The following CAPN14 variants were observed in gnomAD, a reference collection of about 807,000 sequenced individuals.
CAPN14 encodes the protein calpain 14.
In CAPN14, 94 loss-of-function variants were observed where a neutral mutation model predicts 101.3. The ratio of observed to expected loss-of-function variants is 0.93; its 90% CI spans 0.79 to 1.10. CAPN14 has a LOEUF of 1.10. Ranked by LOEUF, CAPN14 falls within the 50% of genes least tolerant of loss-of-function variation. CAPN14 has a pLI of 0.00. For synonymous variants in CAPN14, 338 were observed against 317.9 expected, an observed-to-expected ratio of 1.06 and a Z score of -0.67; for missense variants, 837 against 828.4, an observed-to-expected ratio of 1.01 and a Z score of -0.13.
At chr2:31,216,928 A>C (rs1270053137) in intron 1 of CAPN14, among the ~76,000 whole-genome samples, 3 of 152,152 alleles carry the variant, frequency 2.0e-5, no homozygotes, top group African/African-American at 7.2e-5. Context: ...TGTGTTTTTC[A>C]CATCTAATTT....
At chr2:31,217,215 TGAG>T (rs937489693) in intron 1 of CAPN14, among the ~76,000 whole-genome samples, 2 of 152,160 alleles carry the variant, frequency 1.3e-5, no homozygotes, top group Non-Finnish European at 2.9e-5. Flanking sequence ...TTTTTTTAAA[TGAG>T]GAGATTGGGG....
intron 12 of CAPN14, 65 bp downstream of exon 12, chr2:31,191,334 G>A: frequency 6.8e-7 from 1 of 1,474,422 alleles, no homozygotes; most frequent in Non-Finnish European, 9.2e-7. Context: ...ACTAAATCCT[G>A]TGGAGGCTTG....
intron 2 of CAPN14, among the ~76,000 whole-genome samples, 161 bp from the exon 3 acceptor site, chr2:31,203,300 T>C (rs1419457652): frequency 6.6e-6 from 1 of 152,200 alleles, no homozygotes; most frequent in African/African-American, 2.4e-5. Context: ...GATACAGAAT[T>C]CTGTCCTTTG....
At chr2:31,223,955 T>C (rs975985266) in intron 2 of CAPN14, among the ~76,000 whole-genome samples, 1 of 152,226 alleles carries the variant, frequency 6.6e-6, no homozygotes, top group Non-Finnish European at 1.5e-5. Flanking sequence ...TCAATGTTGA[T>C]AGTCATTTTT....
At chr2:31,196,570 T>A (rs1009499967) in intron 8 of CAPN14, among the ~76,000 whole-genome samples, 1 of 147,754 alleles carries the variant, frequency 6.8e-6, no homozygotes, top group African/African-American at 2.5e-5. Context: ...GTTTGTAGAC[T>A]CTGAAGACCT....
intron 16 of CAPN14, 55 bp downstream of exon 16, chr2:31,186,373 G>T (rs1680900442): frequency 7.7e-7 from 1 of 1,291,126 alleles, no homozygotes; most frequent in East Asian, 2.7e-5. Context: ...CAAAGCCAGA[G>T]TTTAGAAAAG....
chr2:31,211,300 C>T (rs567845801), intron 1 of CAPN14, among the ~76,000 whole-genome samples: 29 of 151,804 alleles, frequency 1.9e-4, no homozygotes, highest in African/African-American at 7.0e-4. Context: ...AAAAAAATGA[C>T]TATTATTCAC....
Position 31,200,891 on chromosome 2 carries a change from C to T in CAPN14, c.552-266G>A, listed in dbSNP as rs181373723. Among the ~76,000 whole-genome samples, 254 of 152,266 alleles carry T rather than the reference C, an allele frequency of 1.7e-3. 1 individual carries two copies. The highest frequency in any genetic ancestry group is 3.2e-3 in the Non-Finnish European group (215 of 68,016). On this transcript the variant is annotated intron_variant, in intron 5 of 21. Transcript: ENST00000403897. ...ACTTCCTTTAAATGGACCATTCAGACGTTTGCCTGAGAACTTAGTGACTGC... is the reference window on the plus strand; with the variant it reads ...ACTTCCTTTAAATGGACCATTCAGATGTTTGCCTGAGAACTTAGTGACTGC...
At chr2:31,202,750 T>C (rs1276563656) in intron 3 of CAPN14, among the ~76,000 whole-genome samples, 2 of 152,172 alleles carry the variant, frequency 1.3e-5, no homozygotes, top group Non-Finnish European at 2.9e-5. Flanking sequence ...GACTGCTGTC[T>C]CAAGAAGGAC....
intron 16 of CAPN14, among the ~76,000 whole-genome samples, chr2:31,182,137 T>C (rs531104632): frequency 7.9e-5 from 12 of 152,194 alleles, no homozygotes; most frequent in South Asian, 2.1e-4. Context: ...TTCAACAACC[T>C]TTCATGCTAA....
Position 31,230,361 on chromosome 2 carries a change from G to C in CAPN14, c.-177+3430C>G, listed in dbSNP as rs1683154337. On this transcript the variant is annotated intron_variant and NMD_transcript_variant, in intron 1 of 21. Transcript: ENST00000398824. The surrounding 1 kb of genome is among the most constrained non-coding windows in gnomAD (Gnocchi z 4.3). ...ATGCACATGTGCAAGAGTTTCTCTA[G>C]ATCACGCCTTGAAATAGAATGGAAG... 6.6e-6 allele frequency among the ~76,000 whole-genome samples: 1 copy of C among 152,184 alleles called. No homozygotes were observed. The highest frequency in any genetic ancestry group is 6.5e-5 in the Admixed American group (1 of 15,274).
At chr2:31,208,234 C>T (rs181621428) in intron 1 of CAPN14, among the ~76,000 whole-genome samples, 1 of 152,236 alleles carries the variant, frequency 6.6e-6, no homozygotes, top group Admixed American at 6.5e-5. Flanking sequence ...TTCCCCCAGG[C>T]TTACCCCATT....
chr2:31,204,386 A>T (rs764329698), intron 2 of CAPN14, among the ~76,000 whole-genome samples: 7 of 152,140 alleles, frequency 4.6e-5, no homozygotes, highest in Non-Finnish European at 1.0e-4. Flanking sequence ...GAGTGATAAG[A>T]GTGTCCTTCG....
Position 31,174,343 on chromosome 2 carries a change from G to T in CAPN14, c.*338C>A. 2 of 423,552 alleles carry T rather than the reference G, an allele frequency of 4.7e-6. No homozygotes were observed. Among genetic ancestry groups the T allele is most frequent in the Non-Finnish European group, 8.5e-6 (2 of 235,480 alleles). 26.2% of individuals were successfully genotyped at this position (423,552 alleles called of 1,614,324 possible). On this transcript the variant is annotated 3_prime_UTR_variant, in exon 22 of 22. Transcript: ENST00000403897. ...AAAGTCACTTGAGTTTGCAGCCACAGAGGCAGTGTTGTATGGAGGCTAACC... is the reference window on the plus strand; with the variant it reads ...AAAGTCACTTGAGTTTGCAGCCACATAGGCAGTGTTGTATGGAGGCTAACC...
chr2:31,185,552 C>G (rs1680860788), intron 16 of CAPN14, among the ~76,000 whole-genome samples: 1 of 152,198 alleles, frequency 6.6e-6, no homozygotes, highest in Non-Finnish European at 1.5e-5. Context: ...GCCATTGCTT[C>G]TAGGTAATTT....
intron 1 of CAPN14, among the ~76,000 whole-genome samples, chr2:31,213,605 T>C (rs921940359): frequency 3.3e-5 from 5 of 152,250 alleles, no homozygotes; most frequent in Admixed American, 2.6e-4. Flanking sequence ...TAAAATGTGG[T>C]TGGTTGAATC....
rs2148678287 is a variant in CAPN14, at chr2:31,187,750, C to T, written c.1587+8G>A. The T allele has an allele frequency of 6.4e-7, 1 of 1,550,926 alleles. No homozygotes were observed. The highest frequency in any genetic ancestry group is 8.7e-7 in the Non-Finnish European group (1 of 1,146,068). ...TTCCTCACCCCCCACCACACCTGTT[C>T]AACTAACCTTTTCAAAGAATTTGGT... On this transcript the variant is annotated splice_region_variant and intron_variant, in intron 15 of 21. Transcript: ENST00000403897.
chr2:31,212,321 A>C (rs1219365530), intron 1 of CAPN14, among the ~76,000 whole-genome samples: 3 of 150,980 alleles, frequency 2.0e-5, no homozygotes, highest in South Asian at 2.1e-4. Context: ...ACAAAAAAAA[A>C]AAAAAACAAA....
chr2:31,208,800 G>A (rs151055511), intron 1 of CAPN14, among the ~76,000 whole-genome samples: 155 of 152,290 alleles, frequency 1.0e-3, no homozygotes, highest in Non-Finnish European at 1.9e-3. Context: ...AGTGAGCAGC[G>A]TTGGAGCAGG....
Sources: gnomAD v4.1 joint callset for allele counts (sites outside exome capture counted in the v4.1 genomes callset) on GRCh38, gnomAD v4.1.1 for gene constraint, Gnocchi (gnomAD v3.1) non-coding constraint, MANE v1.5 for transcripts, NCBI Gene and HGNC (gene_info 2026-07-23, HGNC 2026-07-21) for gene names.